IMMT: variants seen among roughly 807,000 people sequenced by gnomAD.
IMMT encodes the protein inner membrane mitochondrial protein.
Under a neutral mutation model 92.7 loss-of-function variants are expected in IMMT, and 40 were observed. The observed-to-expected ratio is 0.43, with a 90% CI of 0.34 to 0.56. The LOEUF (loss-of-function observed/expected upper bound fraction) is 0.56, where lower values mean the gene tolerates loss of function less well. Among genes scored for constraint, IMMT ranks in the 20% least tolerant of loss-of-function variants. The pLI is 0.03. For synonymous variants in IMMT, 322 were observed against 336.1 expected, an observed-to-expected ratio of 0.96 and a Z score of 0.46; for missense variants, 831 against 912.1, an observed-to-expected ratio of 0.91 and a Z score of 1.14.
At chr2:86,152,937 AAACTC>A (rs1350825518) in intron 11 of IMMT, among the ~76,000 whole-genome samples, 5 of 152,212 alleles carry the variant, frequency 3.3e-5, no homozygotes, top group African/African-American at 9.6e-5. Flanking sequence ...TTTATTGACT[AAACTC>A]AACATGTGGA....
Position 86,175,673 on chromosome 2 carries a change from A to C in IMMT, c.310-1912T>G, listed in dbSNP as rs1471962110. 3.9e-5 allele frequency among the ~76,000 whole-genome samples: 6 copies of C among 152,102 alleles called. No individual in the cohort carries two copies. In the East Asian group the frequency reaches 1.2e-3, roughly 29 times the overall value. The stretch of plus-strand genomic sequence containing the variant: ...AAAAGGTTACTATGAAATAAAATGC[A>C]CAGCAACAAGTTGACACGATGTTTA... On this transcript the variant is annotated intron_variant, in intron 3 of 14. Coordinates refer to ENST00000410111, the MANE Select transcript of IMMT (RefSeq NM_006839.3).
chr2:86,162,687 T>C (rs972624888), intron 7 of IMMT, among the ~76,000 whole-genome samples: 4 of 151,862 alleles, frequency 2.6e-5, no homozygotes, highest in African/African-American at 9.7e-5. Context: ...CTACTAAAAA[T>C]ACAAAAATTA....
chr2:86,183,655 G>A (rs1255358866), intron 1 of IMMT, among the ~76,000 whole-genome samples: 1 of 152,056 alleles, frequency 6.6e-6, no homozygotes, highest in Non-Finnish European at 1.5e-5. Context: ...CCCCATGCTT[G>A]CCATAGGCAA....
intron 2 of IMMT, among the ~76,000 whole-genome samples, chr2:86,179,893 C>G (rs1426229489): frequency 6.7e-6 from 1 of 149,286 alleles, no homozygotes; most frequent in Non-Finnish European, 1.5e-5. Flanking sequence ...CTAGGCACCA[C>G]AGTAAGGCCC....
rs73946321 is a variant in IMMT at position 86,181,295 on chromosome 2, A to G, written c.119+4T>C. On this transcript the variant is annotated splice_donor_region_variant and intron_variant, in intron 2 of 14. Coordinates refer to ENST00000410111, the MANE Select transcript of IMMT (RefSeq NM_006839.3). The stretch of plus-strand genomic sequence containing the variant: ...GCCTGGTTATAGGGAGACATAATAC[A>G]TACCCAGAGCTGCCTGAAGTAGAGT... 3,600 of 1,610,558 alleles carry G rather than the reference A, an allele frequency of 2.2e-3. 72 individuals are homozygous for G. In the African/African-American group the frequency reaches 0.041, roughly 18 times the overall value.
At chr2:86,160,019 C>T (rs930128033) in intron 8 of IMMT, 1 of 158,616 alleles carries the variant, frequency 6.3e-6, no homozygotes, top group Non-Finnish European at 1.4e-5. Context: ...CGATCCGTAA[C>T]TGACTGTGAA....
At chr2:86,168,272 A>G (rs1256115458) in intron 6 of IMMT, among the ~76,000 whole-genome samples, 2 of 152,222 alleles carry the variant, frequency 1.3e-5, no homozygotes, top group African/African-American at 4.8e-5. Flanking sequence ...TAGATAATTT[A>G]CTAAAATGCA....
At chr2:86,168,789 CTAAT>C (rs974579388) in intron 6 of IMMT, among the ~76,000 whole-genome samples, 2 of 151,902 alleles carry the variant, frequency 1.3e-5, no homozygotes, top group African/African-American at 4.8e-5. Flanking sequence ...AAGAGGAAAA[CTAAT>C]AAGGAGAAAA....
chr2:86,167,052 C>G (rs1231487031), intron 6 of IMMT, among the ~76,000 whole-genome samples: 1 of 148,062 alleles, frequency 6.8e-6, no homozygotes, highest in Non-Finnish European at 1.5e-5. Context: ...GAGCCGAGAT[C>G]ATGCCACTGC....
intron 11 of IMMT, 109 bp downstream of exon 11, chr2:86,153,451 A>AT (rs1300696078): frequency 1.7e-6 from 1 of 576,150 alleles, no homozygotes; most frequent in Non-Finnish European, 3.0e-6. Context: ...ATTCTACTTT[A>AT]TATCTATTTA....
chr2:86,171,862 A>T (rs199507504), intron 4 of IMMT, among the ~76,000 whole-genome samples: 10,237 of 149,864 alleles, frequency 0.068, 418 homozygotes, highest in African/African-American at 0.12. Context: ...ATATATATAT[A>T]TTTTTTGCAC....
chr2:86,174,776 C>A (rs1020027159), intron 3 of IMMT, among the ~76,000 whole-genome samples: 2 of 152,160 alleles, frequency 1.3e-5, no homozygotes, highest in African/African-American at 4.8e-5. Flanking sequence ...CATTCTCTTT[C>A]AGGTCAAGAA....
intron 3 of IMMT, 37 bp downstream of exon 3, chr2:86,179,396 T>G (rs1188165815): frequency 1.4e-6 from 2 of 1,472,324 alleles, no homozygotes. Flanking sequence ...TTAAAGTATT[T>G]CATTGGATAA....
Position 86,146,181 on chromosome 2 carries a change from A to T in IMMT, c.1550T>A (p.Leu517His), listed in dbSNP as rs1674992894. The T allele has an allele frequency of 6.2e-7, 1 of 1,608,076 alleles. No individual in the cohort carries two copies. The highest frequency in any genetic ancestry group is 1.3e-5 in the African/African-American group (1 of 74,822). ...SEFEQNLSEK[L>H]SEQELQFRRL... ...ACGAAATTGTAATTCTTGTTCAGAG[A>T]GTTTCTCAGACAGGTTCTGAAATAA... The change falls in exon 14 of 15, where the codon CTC becomes CAC. Residue 517 changes from leucine to histidine, a missense_variant. Coordinates refer to ENST00000410111, the MANE Select transcript of IMMT (RefSeq NM_006839.3).
intron 1 of IMMT, among the ~76,000 whole-genome samples, chr2:86,192,481 A>C (rs1317405308): frequency 6.6e-6 from 1 of 152,160 alleles, no homozygotes; most frequent in African/African-American, 2.4e-5. Context: ...TCATGAACAC[A>C]TTCATTCTTT....
intron 1 of IMMT, among the ~76,000 whole-genome samples, chr2:86,189,423 C>CG (rs1672984623): frequency 6.6e-6 from 1 of 152,040 alleles, no homozygotes; most frequent in African/African-American, 2.4e-5. Context: ...TTAGTAGAGA[C>CG]GGGGTTTCAC....
chr2:86,189,023 T>C (rs1178565946), intron 1 of IMMT, among the ~76,000 whole-genome samples: 1 of 152,180 alleles, frequency 6.6e-6, no homozygotes, highest in East Asian at 1.9e-4. Flanking sequence ...TACTAAACTA[T>C]TAACATAAAC....
Position 86,146,067 on chromosome 2 carries a change from C to T in IMMT, c.1663+1G>A, listed in dbSNP as rs1674982467. On this transcript the variant is annotated splice_donor_variant, in intron 14 of 14. Transcript: ENST00000410111. LOFTEE classifies it high-confidence loss of function. ...GTAAGATAAACATAGCTTATGCTTA[C>T]TCTGAACAGCCTGTTCGATTCCTCT... 6.4e-7 allele frequency: 1 copy of T among 1,563,192 alleles called. No individual in the cohort carries two copies. The highest frequency in any genetic ancestry group is 1.4e-5 in the African/African-American group (1 of 74,002).
Position 86,170,734 on chromosome 2 carries a change from G to A in IMMT, c.655+15C>T, listed in dbSNP as rs1677026531. 2 of 1,541,572 alleles carry A rather than the reference G, an allele frequency of 1.3e-6. No individual in the cohort carries two copies. Among genetic ancestry groups the A allele is most frequent in the Non-Finnish European group, 1.8e-6 (2 of 1,133,834 alleles). On this transcript the variant is annotated intron_variant, in intron 6 of 14. Coordinates refer to ENST00000410111, the MANE Select transcript of IMMT (RefSeq NM_006839.3). ...GATGACCCAAAATCCTTAAGAAGCT[G>A]TCTGGTTTACATACACTCAATTTTA...
Sources: gnomAD v4.1 joint callset for allele counts (sites outside exome capture counted in the v4.1 genomes callset) on GRCh38, gnomAD v4.1.1 for gene constraint, MANE v1.5 for transcripts, NCBI Gene and HGNC (gene_info 2026-07-23, HGNC 2026-07-21) for gene names.